ANKS1B: variants seen among roughly 807,000 people sequenced by gnomAD.
ANKS1B encodes ankyrin repeat and sterile alpha motif domain containing 1B.
A neutral mutation model predicts 148.3 loss-of-function variants in ANKS1B; 36 were observed. That is an observed-to-expected ratio of 0.24 (90% CI 0.19 to 0.32). ANKS1B has a LOEUF of 0.32. Among genes scored for constraint, ANKS1B ranks in the 10% least tolerant of loss-of-function variants. The probability of loss-of-function intolerance (pLI) is 1.00; values close to 1 mark genes in which losing one functional copy is unlikely to be tolerated. For synonymous variants in ANKS1B, 542 were observed against 560.8 expected (o/e 0.97, Z 0.47); for missense variants, 1,157 against 1,542.6 (o/e 0.75, Z 4.19).
chr12:99,342,417 C>G (rs77320154), intron 12 of ANKS1B, among the ~76,000 whole-genome samples: 2 of 151,850 alleles, frequency 1.3e-5, no homozygotes, highest in Non-Finnish European at 2.9e-5. Context: ...TGAAAGAAGT[C>G]AAGTGTGGCT....
At chr12:99,120,450 AC>A (rs1444958937) in intron 15 of ANKS1B, among the ~76,000 whole-genome samples, 26 of 152,200 alleles carry the variant, frequency 1.7e-4, no homozygotes, top group African/African-American at 6.3e-4. Context: ...ATAATTAAAA[AC>A]ATCTGTGAAT....
intron 8 of ANKS1B, among the ~76,000 whole-genome samples, chr12:99,753,891 T>C (rs6538937): frequency 0.43 from 65,085 of 151,678 alleles, 14,326 homozygotes; most frequent in South Asian, 0.61. Context: ...GGCATGGTGC[T>C]GGGCACCTGT....
At chr12:99,625,390 A>ATAGAAAATTTAAATAAAAT (rs2098102084) in intron 9 of ANKS1B, among the ~76,000 whole-genome samples, 2 of 152,146 alleles carry the variant, frequency 1.3e-5, no homozygotes. Context: ...TAAAATAAAA[A>ATAGAAAATTTAAATAAAAT]TAGAAATTTT....
chr12:98,854,101 A>G (rs1037152501), intron 17 of ANKS1B, among the ~76,000 whole-genome samples: 40 of 152,236 alleles, frequency 2.6e-4, no homozygotes, highest in African/African-American at 9.6e-4. Context: ...GAACACAAGT[A>G]TCACTATTCC....
intron 17 of ANKS1B, among the ~76,000 whole-genome samples, chr12:98,973,928 G>GTA (rs1359559049): frequency 6.6e-6 from 1 of 151,850 alleles, no homozygotes; most frequent in Non-Finnish European, 1.5e-5. Flanking sequence ...AGATACATCG[G>GTA]TATATATATG....
chr12:98,883,569 CAT>C (rs2099722457), intron 17 of ANKS1B, among the ~76,000 whole-genome samples: 1 of 152,190 alleles, frequency 6.6e-6, no homozygotes, highest in Non-Finnish European at 1.5e-5. Context: ...TGCTTTTATT[CAT>C]AGTCACTTAC....
At position 99,246,458 on chromosome 12, in the gene ANKS1B, T is replaced by C. The variant is rs745587755; in HGVS notation, c.2163A>G (p.Ser721=). The C allele has an allele frequency of 1.2e-6, 2 of 1,613,904 alleles. No homozygotes were observed. Among genetic ancestry groups the C allele is most frequent in the Non-Finnish European group, 1.7e-6 (2 of 1,179,866 alleles). Residue 721 remains serine (S), a synonymous_variant, in exon 13 of 27, where the codon TCA becomes TCG. Coordinates refer to ENST00000683438, the MANE Select transcript of ANKS1B (RefSeq NM_001352186.2). ...GCATGTCGATCAAGGCTTTAGGCAA[T>C]GACCTTATTCTCCCCAGAGTACAGG... ...ERACTLGRIR[S]LPKALIDMHL... is the part of the protein sequence containing the mutation.
intron 2 of ANKS1B, among the ~76,000 whole-genome samples, chr12:99,824,275 G>C (rs570951745): frequency 6.6e-6 from 1 of 151,938 alleles, no homozygotes; most frequent in Non-Finnish European, 1.5e-5. Context: ...GCCAAGGCGG[G>C]CAGATCACGA....
chr12:98,851,025 G>A (rs2099521894), intron 17 of ANKS1B, among the ~76,000 whole-genome samples: 1 of 152,188 alleles, frequency 6.6e-6, no homozygotes, highest in African/African-American at 2.4e-5. Context: ...TGACAGAACT[G>A]CTACAGTACT....
intron 10 of ANKS1B, among the ~76,000 whole-genome samples, chr12:99,467,813 T>C (rs1041670613): frequency 6.6e-6 from 1 of 152,184 alleles, no homozygotes; most frequent in Non-Finnish European, 1.5e-5. Context: ...TGGAAGAACA[T>C]TCCATGCTCA....
chr12:99,153,867 CA>C (rs1337324063), intron 15 of ANKS1B, among the ~76,000 whole-genome samples: 6 of 152,144 alleles, frequency 3.9e-5, no homozygotes, highest in Middle Eastern at 3.2e-3. Flanking sequence ...ACACCATAAA[CA>C]CAACAAATTG....
At chr12:99,357,846 C>T (rs2092147949) in intron 12 of ANKS1B, among the ~76,000 whole-genome samples, 1 of 152,052 alleles carries the variant, frequency 6.6e-6, no homozygotes, top group Non-Finnish European at 1.5e-5. Context: ...AACTACAATA[C>T]ATGATAAGAA....
chr12:99,661,349 G>A (rs573066970), intron 8 of ANKS1B, among the ~76,000 whole-genome samples: 6 of 152,262 alleles, frequency 3.9e-5, no homozygotes, highest in Admixed American at 1.3e-4. Flanking sequence ...ACACTTACAT[G>A]TAGACATACA....
chr12:99,360,823 G>A (rs993997464), intron 12 of ANKS1B, among the ~76,000 whole-genome samples: 1 of 152,040 alleles, frequency 6.6e-6, no homozygotes, highest in Admixed American at 6.6e-5. Context: ...GCGGTTTACT[G>A]GAGATCATTC....
chr12:99,894,845 C>T lies in ANKS1B; in HGVS notation c.135-69456G>A, dbSNP rs1013043692. On this transcript the variant is annotated intron_variant, in intron 1 of 26. Coordinates refer to ENST00000683438, the MANE Select transcript of ANKS1B (RefSeq NM_001352186.2). ...ATCCAACAATTTATTATAAAATAGG[C>T]TTTGTGTTAGATGATTTTGGCTAAT... 8.0e-5 allele frequency among the ~76,000 whole-genome samples: 12 copies of T among 149,190 alleles called. No homozygotes were observed. In the South Asian group the frequency reaches 1.1e-3, roughly 13 times the overall value.
chr12:98,774,859 A>G lies in ANKS1B; in HGVS notation c.3442-1680T>C, dbSNP rs950820756. ...TGGCCTTTTGTGTTGACATTAATGCAGTGCTCTGTCAAAAAATAACTCAAA... is the reference window on the plus strand; with the variant it reads ...TGGCCTTTTGTGTTGACATTAATGCGGTGCTCTGTCAAAAAATAACTCAAA... On this transcript the variant is annotated intron_variant, in intron 24 of 26. Coordinates refer to ENST00000683438, the MANE Select transcript of ANKS1B (RefSeq NM_001352186.2). Among the ~76,000 whole-genome samples the G allele has an allele frequency of 2.0e-5, 3 of 152,236 alleles. No individual in the cohort carries two copies. The East Asian group carries it at 5.8e-4, about 29-fold the overall frequency.
chr12:99,175,349 A>G (rs903031387), intron 14 of ANKS1B, among the ~76,000 whole-genome samples: 2 of 152,242 alleles, frequency 1.3e-5, no homozygotes, highest in African/African-American at 2.4e-5. Context: ...ATTTGCATAT[A>G]CATAATAAGA....
intron 9 of ANKS1B, among the ~76,000 whole-genome samples, chr12:99,607,154 G>A (rs1180777234): frequency 1.3e-5 from 2 of 152,054 alleles, no homozygotes; most frequent in Non-Finnish European, 2.9e-5. Flanking sequence ...TTGACTGGCA[G>A]CCTAGGCGCT....
intron 1 of ANKS1B, among the ~76,000 whole-genome samples, chr12:99,942,413 T>C (rs953212069): frequency 2.6e-5 from 4 of 152,026 alleles, no homozygotes; most frequent in African/African-American, 9.7e-5. Flanking sequence ...GGAGTTAAGG[T>C]ATCAGTGAAT....
Sources: allele counts gnomAD v4.1 joint callset (sites outside exome capture counted in the v4.1 genomes callset), GRCh38; gene constraint gnomAD v4.1.1; transcripts MANE v1.5; gene names NCBI Gene and HGNC (gene_info 2026-07-23, HGNC 2026-07-21).